DSCAML1: variants seen among roughly 807,000 people sequenced by gnomAD.
The protein encoded by DSCAML1 is cell adhesion molecule DSCAML1.
DSCAML1 carries 38 observed loss-of-function variants against 200.5 expected under a neutral mutation model. The ratio of observed to expected loss-of-function variants is 0.19; its 90% confidence interval spans 0.15 to 0.25. The LOEUF (loss-of-function observed/expected upper bound fraction) is 0.25. DSCAML1 is among the 10% of genes least tolerant of loss of function. DSCAML1 has a pLI of 1.00. For synonymous variants in DSCAML1, 1,215 were observed against 1,165.0 expected, an observed-to-expected ratio of 1.04 and a Z score of -0.87; for missense variants, 2,223 against 2,858.8, an observed-to-expected ratio of 0.78 and a Z score of 5.07.
rs542574091 is a variant in DSCAML1, at chr11:117,792,090, A to G, written c.46+4944T>C. Among the ~76,000 whole-genome samples, 21 of 152,302 alleles carry G rather than the reference A, an allele frequency of 1.4e-4. 1 individual carries two copies. The South Asian group carries it at 3.9e-3, about 29-fold the overall frequency. ...ATTCTACTCCAATATATGAAATTGG[A>G]TAATGAATAAAAGCTCTGGTTGAAG... On this transcript the variant is annotated intron_variant, in intron 1 of 32. Coordinates refer to ENST00000651296, the MANE Select transcript of DSCAML1 (RefSeq NM_020693.4).
At chr11:117,675,035 C>T (rs1045180403) in intron 3 of DSCAML1, among the ~76,000 whole-genome samples, 13 of 152,168 alleles carry the variant, frequency 8.5e-5, no homozygotes, top group Admixed American at 8.5e-4. Flanking sequence ...CCTGGCTGTG[C>T]TGCTGCCTAG....
At chr11:117,623,283 C>G (rs2051977098) in intron 3 of DSCAML1, among the ~76,000 whole-genome samples, 1 of 132,962 alleles carries the variant, frequency 7.5e-6, no homozygotes, top group African/African-American at 2.9e-5. Flanking sequence ...GTGGCGTGAT[C>G]TCAGTTCACT....
At chr11:117,585,447 A>C (rs923311457) in intron 3 of DSCAML1, among the ~76,000 whole-genome samples, 3 of 152,074 alleles carry the variant, frequency 2.0e-5, no homozygotes, top group Admixed American at 6.6e-5. Context: ...ATAGGCTTTC[A>C]CATGTTGGCC....
At chr11:117,554,173 G>T (rs2050517617) in intron 3 of DSCAML1, among the ~76,000 whole-genome samples, 1 of 152,136 alleles carries the variant, frequency 6.6e-6, no homozygotes, top group Non-Finnish European at 1.5e-5. Context: ...GGGAGCTATT[G>T]CTCATAGTGG....
chr11:117,612,896 G>C (rs1197557627), intron 3 of DSCAML1, among the ~76,000 whole-genome samples: 2 of 152,168 alleles, frequency 1.3e-5, no homozygotes, highest in African/African-American at 4.8e-5. Flanking sequence ...AGCAGGCCAG[G>C]GTTTGAGTTC....
At chr11:117,630,848 C>T (rs918688827) in intron 3 of DSCAML1, among the ~76,000 whole-genome samples, 9 of 151,882 alleles carry the variant, frequency 5.9e-5, no homozygotes, top group Non-Finnish European at 1.0e-4. Context: ...GTTCAAAGCC[C>T]GGCTCCGATA....
In DSCAML1 at chr11:117,504,008, G is replaced by A. The variant is rs753393809; in HGVS notation, c.2196C>T (p.Pro732=). The A allele has an allele frequency of 2.5e-6, 4 of 1,613,868 alleles. No homozygotes were observed. Among genetic ancestry groups the A allele is most frequent in the Non-Finnish European group, 3.4e-6 (4 of 1,179,960 alleles). ...MWKHAKGSGN[P]QQYHPVPLTG... ...TGAGGGGCACAGGGTGGTACTGCTG[G>A]GGGTTCCCGCTCCCTGGAAGGAGGC... is the stretch of plus-strand genomic sequence containing the variant. The change falls in exon 11 of 33, where the codon CCC becomes CCT. Residue 732 remains proline, a synonymous_variant. Transcript: ENST00000651296. This position sits in a 1 kb window ranked among gnomAD's most constrained non-coding sequence, Gnocchi z 5.0.
At chr11:117,580,800 T>C (rs1354991428) in intron 3 of DSCAML1, among the ~76,000 whole-genome samples, 2 of 152,270 alleles carry the variant, frequency 1.3e-5, no homozygotes, top group Non-Finnish European at 2.9e-5. Context: ...TTAATGGGCT[T>C]TGAAAATGAA....
At chr11:117,547,885 G>A (rs1031759998) in intron 3 of DSCAML1, among the ~76,000 whole-genome samples, 8 of 152,128 alleles carry the variant, frequency 5.3e-5, no homozygotes, top group Non-Finnish European at 1.2e-4. Context: ...CTGGTCCTCC[G>A]CTCCCAAGCC....
chr11:117,547,345 C>A (rs1157496007), intron 3 of DSCAML1, among the ~76,000 whole-genome samples: 1 of 152,174 alleles, frequency 6.6e-6, no homozygotes, highest in Non-Finnish European at 1.5e-5. Context: ...GCAACAGAAC[C>A]CCAGTAGCTG....
intron 3 of DSCAML1, among the ~76,000 whole-genome samples, chr11:117,764,669 G>C (rs142063420): frequency 2.9e-3 from 435 of 152,350 alleles, no homozygotes; most frequent in Non-Finnish European, 5.0e-3. Flanking sequence ...CAGAAGCTGT[G>C]GTTTTGTGTC....
intron 3 of DSCAML1, among the ~76,000 whole-genome samples, chr11:117,702,146 A>C (rs1308254415): frequency 6.6e-6 from 1 of 152,068 alleles, no homozygotes; most frequent in East Asian, 1.9e-4. Flanking sequence ...TTCCAGAATG[A>C]TCTCTCTCAA....
Position 117,431,697 on chromosome 11 carries a change from G to T in DSCAML1, c.5211C>A (p.Ala1737=). Residue 1737 remains alanine, a synonymous_variant, in exon 31 of 33, where the codon GCC becomes GCA. Coordinates refer to ENST00000651296, the MANE Select transcript of DSCAML1 (RefSeq NM_020693.4). ...NPVSRKNVKS[A]HSTRNRYSSQ... ...TTGAGTACCGGTTCCGGGTGCTGTGGGCTGACTTCACATTCTTCCTGGACA... is the reference window on the plus strand; with the variant it reads ...TTGAGTACCGGTTCCGGGTGCTGTGTGCTGACTTCACATTCTTCCTGGACA... The T allele has an allele frequency of 6.2e-7, 1 of 1,600,218 alleles. No individual in the cohort carries two copies. Among genetic ancestry groups the T allele is most frequent in the Non-Finnish European group, 8.5e-7 (1 of 1,172,116 alleles).
intron 3 of DSCAML1, among the ~76,000 whole-genome samples, chr11:117,557,157 G>A (rs770282011): frequency 1.5e-4 from 23 of 152,194 alleles, no homozygotes; most frequent in Admixed American, 2.6e-4. Context: ...GTCTATGAGA[G>A]TCAGGTGTCA....
chr11:117,489,843 T>C lies in DSCAML1; in HGVS notation c.2360-7681A>G, dbSNP rs1265997687. 1.3e-5 allele frequency among the ~76,000 whole-genome samples: 2 copies of C among 152,214 alleles called. No homozygotes were observed. The highest frequency in any genetic ancestry group is 2.4e-5 in the African/African-American group (1 of 41,452). On this transcript the variant is annotated intron_variant, in intron 11 of 32. Transcript: ENST00000651296. The surrounding 1 kb of genome is among the most constrained non-coding windows in gnomAD (Gnocchi z 4.8). ...CCGGCAGCGTCCTTGCCTCCTTGTG[T>C]GTGACTGTGAGACTCTCCAGGGCAG...
intron 15 of DSCAML1, 128 bp from the exon 16 acceptor site, chr11:117,470,108 T>C: frequency 1.3e-6 from 1 of 752,416 alleles, no homozygotes; most frequent in South Asian, 4.0e-5. Flanking sequence ...CAGATGCAGA[T>C]AGCAGAGAAC....
intron 3 of DSCAML1, among the ~76,000 whole-genome samples, chr11:117,693,060 C>A (rs2053526835): frequency 6.6e-6 from 1 of 152,218 alleles, no homozygotes; most frequent in African/African-American, 2.4e-5. Context: ...GTGGTCTGAA[C>A]AGCACAGAGT....
intron 3 of DSCAML1, among the ~76,000 whole-genome samples, chr11:117,602,056 G>A (rs115075842): frequency 1.8e-4 from 28 of 152,366 alleles, no homozygotes; most frequent in African/African-American, 5.8e-4. Context: ...TGTTTCTCTT[G>A]GCATTGCATG....
At chr11:117,709,412 T>A (rs1785335394) in intron 3 of DSCAML1, among the ~76,000 whole-genome samples, 1 of 152,142 alleles carries the variant, frequency 6.6e-6, no homozygotes, top group Non-Finnish European at 1.5e-5. Flanking sequence ...TCTCTTCCCG[T>A]AAGAACACTA....
Sources: allele counts gnomAD v4.1 joint callset (sites outside exome capture counted in the v4.1 genomes callset), GRCh38; gene constraint gnomAD v4.1.1; non-coding constraint Gnocchi (gnomAD v3.1); transcripts MANE v1.5; gene names NCBI Gene and HGNC (gene_info 2026-07-23, HGNC 2026-07-21).